Variants in GOLGA4 observed in about 807,000 individuals in gnomAD.
GOLGA4 encodes golgin A4.
GOLGA4 carries 169 observed loss-of-function variants against 265.9 expected under a neutral mutation model. The observed-to-expected ratio is 0.64, with a 90% CI of 0.56 to 0.72. GOLGA4 has a LOEUF of 0.72. Ranked by LOEUF, GOLGA4 falls within the 30% of genes least tolerant of loss-of-function variation. The pLI, the probability that GOLGA4 is intolerant of heterozygous loss-of-function variation, is 0.00. For synonymous variants in GOLGA4, 923 were observed against 855.8 expected (o/e 1.08, Z -1.37); for missense variants, 2,482 against 2,483.4 (o/e 1.00, Z 0.01).
At chr3:37,248,463 A>T (rs2096725400) in intron 1 of GOLGA4, among the ~76,000 whole-genome samples, 1 of 152,214 alleles carries the variant, frequency 6.6e-6, no homozygotes, top group Non-Finnish European at 1.5e-5. Context: ...GAAGGAACCT[A>T]AATCCCTTTA....
Position 37,355,088 on chromosome 3 carries a change from G to T in GOLGA4, c.6577-13G>T, listed in dbSNP as rs780685489. The T allele has an allele frequency of 1.3e-5, 19 of 1,500,384 alleles. No individual in the cohort carries two copies. Among genetic ancestry groups the T allele is most frequent in the South Asian group, 4.5e-5 (4 of 88,804 alleles). The allele number at this position is 1,500,384 out of a possible 1,614,324, so 92.9% of individuals were successfully genotyped here. A position where few individuals can be genotyped will look rare whatever the true frequency, so the allele number is the denominator to read the frequency against. ...CACTGTCTGTTAGTGATCATCTCTT[G>T]TTTTTCTTGTAGACCATGGCAAAAG... On this transcript the variant is annotated splice_polypyrimidine_tract_variant and intron_variant, in intron 21 of 23. Coordinates refer to ENST00000361924, the MANE Select transcript of GOLGA4 (RefSeq NM_002078.5).
At chr3:37,358,737 T>G (rs979364120) in intron 22 of GOLGA4, among the ~76,000 whole-genome samples, 1 of 152,154 alleles carries the variant, frequency 6.6e-6, no homozygotes, top group Non-Finnish European at 1.5e-5. Context: ...ATCATTGATG[T>G]GTATAAGAAA....
chr3:37,348,859 C>G (rs2097064521), intron 21 of GOLGA4, among the ~76,000 whole-genome samples: 1 of 152,110 alleles, frequency 6.6e-6, no homozygotes, highest in Non-Finnish European at 1.5e-5. Flanking sequence ...AAAGACCTAG[C>G]ATAAGCATAA....
chr3:37,323,897 A>G lies in GOLGA4; in HGVS notation c.2011A>G (p.Met671Val). Residue 671 changes from methionine (M) to valine (V), a missense_variant, in exon 14 of 24, where the codon ATG (methionine) becomes GTG (valine). Around this residue, in one of 3 missense-constraint regions of GOLGA4, gnomAD observed 1,536 missense variants for 1,483.7 expected, o/e 1.04. Transcript: ENST00000361924. ...TATCTTCCAGGCCCACATAGAAGAA[A>G]TGAATGAAAAGACTTTAGAAAAGCT... is the stretch of plus-strand genomic sequence containing the variant. ...EIIFQAHIEE[M>V]NEKTLEKLDV... The G allele has an allele frequency of 6.2e-7, 1 of 1,613,668 alleles. No homozygotes were observed. The highest frequency in any genetic ancestry group is 8.5e-7 in the Non-Finnish European group (1 of 1,179,848).
At chr3:37,253,932 A>T (rs1263874664) in intron 2 of GOLGA4, among the ~76,000 whole-genome samples, 9 of 151,872 alleles carry the variant, frequency 5.9e-5, no homozygotes, top group African/African-American at 2.2e-4. Flanking sequence ...AGGAGAATCA[A>T]TTGAACTCAG....
At chr3:37,289,336 A>G (rs755870192) in intron 5 of GOLGA4, 45 bp downstream of exon 5, 1 of 1,171,696 alleles carries the variant, frequency 8.5e-7, no homozygotes, top group South Asian at 1.3e-5. Context: ...ATTAAATCTC[A>G]TATTTATCAG....
intron 4 of GOLGA4, among the ~76,000 whole-genome samples, chr3:37,286,543 A>G (rs897113647): frequency 6.6e-6 from 1 of 152,188 alleles, no homozygotes; most frequent in Non-Finnish European, 1.5e-5. Context: ...AGGTTTTGAT[A>G]AAGAGAAAGT....
intron 2 of GOLGA4, among the ~76,000 whole-genome samples, chr3:37,254,882 A>T (rs1001274428): frequency 6.8e-6 from 1 of 148,146 alleles, no homozygotes; most frequent in Non-Finnish European, 1.5e-5. Flanking sequence ...TATATAATAT[A>T]CATTATATAA....
Position 37,270,469 on chromosome 3 carries a change from C to T in GOLGA4, c.163-11489C>T, listed in dbSNP as rs142088784. ...CTTACCTCAGGTGATCCACCTGCTT[C>T]GGCCTCCCAAAGTGCTGGGATTACA... On this transcript the variant is annotated intron_variant, in intron 2 of 23. Transcript: ENST00000361924. Among the ~76,000 whole-genome samples the T allele has an allele frequency of 6.6e-3, 1,005 of 152,232 alleles. 15 individuals are homozygous for T. The highest frequency in any genetic ancestry group is 0.022 in the African/African-American group (932 of 41,530).
chr3:37,343,198 C>T (rs758541503), intron 20 of GOLGA4, among the ~76,000 whole-genome samples: 9 of 152,118 alleles, frequency 5.9e-5, no homozygotes, highest in South Asian at 2.1e-4. Flanking sequence ...CTCAGCTCAC[C>T]GCAACCTCCA....
chr3:37,303,547 T>C (rs1008789702), intron 10 of GOLGA4, among the ~76,000 whole-genome samples: 1 of 151,942 alleles, frequency 6.6e-6, no homozygotes, highest in African/African-American at 2.4e-5. Context: ...AAATGATGGG[T>C]TTTTTAGATA....
In GOLGA4 at chr3:37,280,183, A is replaced by G. The variant is rs114502980; in HGVS notation, c.163-1775A>G. 3.4e-3 allele frequency among the ~76,000 whole-genome samples: 520 copies of G among 152,322 alleles called. 4 individuals are homozygous for G. The highest frequency in any genetic ancestry group is 0.012 in the African/African-American group (507 of 41,580). On this transcript the variant is annotated intron_variant, in intron 2 of 23. Coordinates refer to ENST00000361924, the MANE Select transcript of GOLGA4 (RefSeq NM_002078.5). ...GAACACATTTTGTTTTACTGTATTA[A>G]TGGTATGTCATATATATATATTTCT...
chr3:37,285,571 A>G (rs1487549871), intron 3 of GOLGA4, among the ~76,000 whole-genome samples: 3 of 152,234 alleles, frequency 2.0e-5, no homozygotes, highest in Admixed American at 6.5e-5. Context: ...TTGCCTGGTG[A>G]GCTCATTAAA....
At chr3:37,268,194 T>C (rs1379466642) in intron 2 of GOLGA4, among the ~76,000 whole-genome samples, 1 of 152,046 alleles carries the variant, frequency 6.6e-6, no homozygotes, top group Non-Finnish European at 1.5e-5. Context: ...CAGTCCTTCT[T>C]CCTCAGCCTC....
chr3:37,330,701 C>T (rs1025760327), intron 16 of GOLGA4, among the ~76,000 whole-genome samples: 1 of 152,130 alleles, frequency 6.6e-6, no homozygotes, highest in Non-Finnish European at 1.5e-5. Context: ...CAAGTTCCTT[C>T]CTGTGCCTTG....
chr3:37,300,748 C>T (rs752596719), intron 9 of GOLGA4, among the ~76,000 whole-genome samples: 2 of 151,984 alleles, frequency 1.3e-5, no homozygotes, highest in Non-Finnish European at 2.9e-5. Context: ...ATACTATAAC[C>T]ACATTATCAT....
At chr3:37,355,755 C>T (rs1272929064) in intron 22 of GOLGA4, among the ~76,000 whole-genome samples, 1 of 152,040 alleles carries the variant, frequency 6.6e-6, no homozygotes, top group Non-Finnish European at 1.5e-5. Context: ...ATTCTCCATG[C>T]CAAAGTTATT....
chr3:37,276,496 G>A (rs1411956562), intron 2 of GOLGA4: 3 of 1,609,688 alleles, frequency 1.9e-6, no homozygotes, highest in African/African-American at 2.7e-5. Flanking sequence ...AATGTAAAAA[G>A]AAGAATTGCA....
At chr3:37,284,505 G>T (rs1045693459) in intron 3 of GOLGA4, among the ~76,000 whole-genome samples, 1 of 151,990 alleles carries the variant, frequency 6.6e-6, no homozygotes, top group Non-Finnish European at 1.5e-5. Flanking sequence ...GCCCACCTTG[G>T]CCTCCCAGAG....
Sources: gnomAD v4.1 joint callset for allele counts (sites outside exome capture counted in the v4.1 genomes callset) on GRCh38, gnomAD v4.1.1 for gene constraint, gnomAD v4.1.1 regional missense constraint, MANE v1.5 for transcripts, NCBI Gene and HGNC (gene_info 2026-07-23, HGNC 2026-07-21) for gene names.